Variants in CACNA2D3 observed in about 807,000 individuals in gnomAD.
CACNA2D3 encodes voltage-dependent calcium channel subunit alpha-2/delta-3.
In CACNA2D3, 60 loss-of-function variants were observed where a neutral mutation model predicts 160.6. That is an observed-to-expected ratio of 0.37 (90% confidence interval 0.30 to 0.46). CACNA2D3 has a LOEUF of 0.46. Among genes scored for constraint, CACNA2D3 ranks in the 20% least tolerant of loss-of-function variants. The pLI is 1.00. For synonymous variants in CACNA2D3, 558 were observed against 492.9 expected, an observed-to-expected ratio of 1.13 and a Z score of -1.75; for missense variants, 1,205 against 1,365.0, an observed-to-expected ratio of 0.88 and a Z score of 1.85.
At chr3:54,129,464 A>G (rs1206721814) in intron 2 of CACNA2D3, among the ~76,000 whole-genome samples, 1 of 152,228 alleles carries the variant, frequency 6.6e-6, no homozygotes, top group Non-Finnish European at 1.5e-5. Flanking sequence ...TATATGTTGC[A>G]TAGCTTCCCA....
intron 2 of CACNA2D3, among the ~76,000 whole-genome samples, chr3:54,262,917 T>G (rs1443756422): frequency 6.6e-6 from 1 of 152,258 alleles, no homozygotes; most frequent in African/African-American, 2.4e-5. Context: ...ATTATTTAAG[T>G]AAATCAGGAA....
chr3:54,147,926 C>T (rs1430155175), intron 2 of CACNA2D3, among the ~76,000 whole-genome samples: 1 of 152,216 alleles, frequency 6.6e-6, no homozygotes, highest in Non-Finnish European at 1.5e-5. Flanking sequence ...CCTGCCTCAG[C>T]CCCCCGAGGA....
chr3:54,260,239 C>T (rs551378454), intron 2 of CACNA2D3, among the ~76,000 whole-genome samples: 1 of 152,202 alleles, frequency 6.6e-6, no homozygotes, highest in African/African-American at 2.4e-5. Context: ...GCCTCAAATT[C>T]TTAGCTTGGT....
At chr3:54,374,705 A>G (rs548221339) in intron 3 of CACNA2D3, among the ~76,000 whole-genome samples, 1 of 152,110 alleles carries the variant, frequency 6.6e-6, no homozygotes, top group African/African-American at 2.4e-5. Context: ...TTGGTGAAAA[A>G]GTAATTACCT....
At chr3:55,055,633 TG>T (rs1440204197) in intron 35 of CACNA2D3, among the ~76,000 whole-genome samples, 1 of 152,134 alleles carries the variant, frequency 6.6e-6, no homozygotes, top group Admixed American at 6.5e-5. Flanking sequence ...TGGATCAGTT[TG>T]GGTTGGATGG....
chr3:54,518,354 G>A (rs766036095), intron 5 of CACNA2D3, among the ~76,000 whole-genome samples: 4 of 152,166 alleles, frequency 2.6e-5, no homozygotes, highest in African/African-American at 4.8e-5. Context: ...AGAGGGTAGG[G>A]GAAGTGAGGG....
intron 4 of CACNA2D3, among the ~76,000 whole-genome samples, chr3:54,416,442 C>T (rs6788374): frequency 0.11 from 16,807 of 151,938 alleles, 1,137 homozygotes; most frequent in East Asian, 0.18. Context: ...GTAGCATGTC[C>T]ACAAATGTTT....
intron 13 of CACNA2D3, among the ~76,000 whole-genome samples, chr3:54,786,887 G>C (rs1402711163): frequency 2.0e-5 from 3 of 152,166 alleles, no homozygotes; most frequent in Non-Finnish European, 4.4e-5. Context: ...ATAAATGTTT[G>C]TTGTGTGAGT....
At chr3:55,033,574 A>ATG (rs201487813) in intron 35 of CACNA2D3, among the ~76,000 whole-genome samples, 1 of 120,356 alleles carries the variant, frequency 8.3e-6, no homozygotes, top group Non-Finnish European at 1.7e-5. Flanking sequence ...CGTGTCATTT[A>ATG]TGTGTGTGTG....
intron 5 of CACNA2D3, among the ~76,000 whole-genome samples, chr3:54,534,494 G>A (rs1003307629): frequency 2.6e-5 from 4 of 151,904 alleles, no homozygotes; most frequent in East Asian, 1.9e-4. Context: ...CTTCCCACGC[G>A]ATGCTCCATC....
intron 35 of CACNA2D3, among the ~76,000 whole-genome samples, chr3:55,066,079 C>T (rs1485094939): frequency 1.3e-5 from 2 of 152,194 alleles, no homozygotes; most frequent in East Asian, 3.9e-4. Context: ...TTGCTCTCAA[C>T]TTATGGGCCC....
At chr3:54,556,967 A>G (rs928355473) in intron 5 of CACNA2D3, among the ~76,000 whole-genome samples, 1 of 151,762 alleles carries the variant, frequency 6.6e-6, no homozygotes, top group African/African-American at 2.4e-5. Context: ...TGTTGGGAAA[A>G]TCATATTTAA....
At chr3:54,527,653 C>T (rs1341023357) in intron 5 of CACNA2D3, among the ~76,000 whole-genome samples, 3 of 152,160 alleles carry the variant, frequency 2.0e-5, no homozygotes, top group Non-Finnish European at 4.4e-5. Flanking sequence ...GCTGTACTCG[C>T]CCAGAACTTA....
At chr3:54,596,538 G>A (rs1242459316) in intron 9 of CACNA2D3, among the ~76,000 whole-genome samples, 1 of 152,074 alleles carries the variant, frequency 6.6e-6, no homozygotes, top group Non-Finnish European at 1.5e-5. Context: ...GCCCTTCACT[G>A]TCAGAAGCGT....
At chr3:55,068,006 T>C (rs1488173137) in intron 35 of CACNA2D3, among the ~76,000 whole-genome samples, 1 of 152,184 alleles carries the variant, frequency 6.6e-6, no homozygotes, top group Non-Finnish European at 1.5e-5. Context: ...TATTCTCCTC[T>C]TCTCTCTCCC....
At chr3:54,456,118 G>A (rs968589004) in intron 4 of CACNA2D3, among the ~76,000 whole-genome samples, 1 of 152,058 alleles carries the variant, frequency 6.6e-6, no homozygotes, top group Non-Finnish European at 1.5e-5. Context: ...AGATTGCATT[G>A]AATCTGTAGA....
At chr3:55,055,110 G>T (rs563596995) in intron 35 of CACNA2D3, among the ~76,000 whole-genome samples, 1 of 152,050 alleles carries the variant, frequency 6.6e-6, no homozygotes, top group African/African-American at 2.4e-5. Flanking sequence ...GAGAGTTGGT[G>T]TCAAATCCAA....
At chr3:55,053,084 A>G (rs1227186824) in intron 35 of CACNA2D3, among the ~76,000 whole-genome samples, 1 of 152,080 alleles carries the variant, frequency 6.6e-6, no homozygotes, top group Admixed American at 6.5e-5. Context: ...CTATCACCAC[A>G]AACAAGTATG....
intron 2 of CACNA2D3, among the ~76,000 whole-genome samples, chr3:54,169,172 AAAAC>A (rs1700510401): frequency 6.6e-6 from 1 of 152,228 alleles, no homozygotes; most frequent in African/African-American, 2.4e-5. Flanking sequence ...ACTACAGAAC[AAAAC>A]AAACAAGCAG....
Sources: gnomAD v4.1 joint callset for allele counts (sites outside exome capture counted in the v4.1 genomes callset) on GRCh38, gnomAD v4.1.1 for gene constraint, MANE v1.5 for transcripts, NCBI Gene and HGNC (gene_info 2026-07-23, HGNC 2026-07-21) for gene names.